ADD3: variants seen among roughly 807,000 people sequenced by gnomAD.
The protein encoded by ADD3 is gamma-adducin.
ADD3 carries 25 observed loss-of-function variants against 80.2 expected under a neutral mutation model. That is an observed-to-expected ratio of 0.31 (90% CI 0.23 to 0.44). ADD3 has a LOEUF of 0.44. Among genes scored for constraint, ADD3 ranks in the 20% least tolerant of loss-of-function variants. The pLI is 1.00. For synonymous variants in ADD3, 284 were observed against 289.6 expected, an observed-to-expected ratio of 0.98 and a Z score of 0.20; for missense variants, 829 against 847.5, an observed-to-expected ratio of 0.98 and a Z score of 0.27.
intron 1 of ADD3, among the ~76,000 whole-genome samples, chr10:110,036,240 G>A (rs964305826): frequency 6.6e-6 from 1 of 152,074 alleles, no homozygotes; most frequent in Non-Finnish European, 1.5e-5. Context: ...TTCATCTATA[G>A]TGAGGCAGCA....
At chr10:110,026,034 A>T (rs1234445218) in intron 1 of ADD3, among the ~76,000 whole-genome samples, 3 of 152,194 alleles carry the variant, frequency 2.0e-5, no homozygotes, top group Non-Finnish European at 4.4e-5. Context: ...CACTGATATT[A>T]TGTATATTGT....
chr10:110,092,281 GCA>G (rs1847621881), intron 1 of ADD3, among the ~76,000 whole-genome samples: 1 of 152,138 alleles, frequency 6.6e-6, no homozygotes, highest in Non-Finnish European at 1.5e-5. Context: ...GTTCATTGCA[GCA>G]CTATCCACAA....
intron 14 of ADD3, 57 bp downstream of exon 14, chr10:110,132,457 CTG>C: frequency 8.1e-7 from 1 of 1,234,342 alleles, no homozygotes. Context: ...GTCTGTCCCT[CTG>C]TGTTTTGTTT....
intron 1 of ADD3, among the ~76,000 whole-genome samples, chr10:110,028,212 C>T (rs1327485744): frequency 6.6e-6 from 1 of 152,140 alleles, no homozygotes; most frequent in East Asian, 1.9e-4. Flanking sequence ...ACATCCCTGA[C>T]CCCCATCTCC....
intron 1 of ADD3, among the ~76,000 whole-genome samples, chr10:110,017,932 A>G (rs1330410024): frequency 6.6e-6 from 1 of 152,218 alleles, no homozygotes; most frequent in Non-Finnish European, 1.5e-5. Context: ...GGTATAACCA[A>G]AAGCTTCTAA....
intron 1 of ADD3, among the ~76,000 whole-genome samples, chr10:110,029,971 C>A (rs1193091666): frequency 1.3e-5 from 2 of 151,944 alleles, no homozygotes; most frequent in African/African-American, 2.4e-5. Context: ...ATTAAAAGTT[C>A]TTTCAGGTTT....
intron 1 of ADD3, among the ~76,000 whole-genome samples, chr10:110,000,534 T>A (rs1851465321): frequency 6.6e-6 from 1 of 152,228 alleles, no homozygotes; most frequent in African/African-American, 2.4e-5. Flanking sequence ...GGTAAAGACT[T>A]CTAAAATAGG....
chr10:110,070,257 C>T (rs1326803113), intron 1 of ADD3, among the ~76,000 whole-genome samples: 1 of 152,078 alleles, frequency 6.6e-6, no homozygotes, highest in Admixed American at 6.5e-5. Context: ...CTGCCCCAAC[C>T]CACTAAATTG....
At chr10:110,074,284 A>G (rs1254839961) in intron 1 of ADD3, among the ~76,000 whole-genome samples, 1 of 152,218 alleles carries the variant, frequency 6.6e-6, no homozygotes, top group Non-Finnish European at 1.5e-5. Context: ...AGTTGGAGAC[A>G]GTTTCTCATT....
intron 1 of ADD3, among the ~76,000 whole-genome samples, chr10:110,055,973 A>G (rs186777180): frequency 1.6e-4 from 24 of 152,344 alleles, no homozygotes; most frequent in Admixed American, 2.6e-4. Context: ...GCTAACGACT[A>G]TGAAATCTTT....
chr10:110,109,537 A>G (rs956819005), intron 2 of ADD3, among the ~76,000 whole-genome samples: 1 of 152,220 alleles, frequency 6.6e-6, no homozygotes, highest in Non-Finnish European at 1.5e-5. Flanking sequence ...CTACTTCTCC[A>G]AGTTATTGTA....
At chr10:110,017,640 T>G (rs1853157127) in intron 1 of ADD3, among the ~76,000 whole-genome samples, 1 of 152,178 alleles carries the variant, frequency 6.6e-6, no homozygotes, top group Non-Finnish European at 1.5e-5. Context: ...GTGGTAGTAC[T>G]TTTCAATATG....
chr10:110,066,683 A>G (rs1317055420), intron 1 of ADD3, among the ~76,000 whole-genome samples: 1 of 152,072 alleles, frequency 6.6e-6, no homozygotes, highest in Admixed American at 6.5e-5. Context: ...AGTCTGTTAC[A>G]GGCTTCGATA....
At chr10:109,996,918 G>C (rs998067131) in intron 1 of ADD3, among the ~76,000 whole-genome samples, 2 of 152,222 alleles carry the variant, frequency 1.3e-5, no homozygotes, top group African/African-American at 4.8e-5. Context: ...ACTTTAGTGA[G>C]AATTTAGGTT....
chr10:110,002,495 C>T (rs191023935), upstream of ADD3, among the ~76,000 whole-genome samples: 26 of 152,082 alleles, frequency 1.7e-4, 1 homozygote, highest in East Asian at 4.1e-3. Context: ...AGGATGGTCT[C>T]GATCTCCTGA....
chr10:110,056,371 A>G (rs2133449568), intron 1 of ADD3, among the ~76,000 whole-genome samples: 1 of 152,320 alleles, frequency 6.6e-6, no homozygotes, highest in South Asian at 2.1e-4. Flanking sequence ...TTAGGCTTAA[A>G]CATAATATTT....
In ADD3 at chr10:110,119,291, A is replaced by C; in HGVS notation, c.798A>C (p.Gln266His). Reference protein sequence around the residue: ...LLGDVAYYDYQGSLEEQEERI... With the variant: ...LLGDVAYYDYHGSLEEQEERI... The stretch of plus-strand genomic sequence containing the variant: ...GAGATGTTGCCTATTATGACTACCA[A>C]GGGTCACTTGAAGAACAGGAGGAGA... Residue 266 changes from glutamine to histidine, a missense_variant, in exon 7 of 15, where the codon CAA (glutamine) becomes CAC (histidine). Gln to His is a conservative substitution (Grantham distance 24). Transcript: ENST00000356080. The C allele has an allele frequency of 6.2e-7, 1 of 1,614,132 alleles. No individual in the cohort carries two copies. Among genetic ancestry groups the C allele is most frequent in the Non-Finnish European group, 8.5e-7 (1 of 1,179,992 alleles).
chr10:110,111,140 C>T lies in ADD3; in HGVS notation c.196-1637C>T, dbSNP rs192978590. On this transcript the variant is annotated intron_variant, in intron 2 of 14. Transcript: ENST00000356080. ...TTCACCCTTCTAAAGGAAGTTTTCT[C>T]CATTATCTCCCAGGTATTCATACCT... is the stretch of plus-strand genomic sequence containing the variant. Among the ~76,000 whole-genome samples, 422 of 152,304 alleles carry T rather than the reference C, an allele frequency of 2.8e-3. 3 individuals are homozygous for T. The highest frequency in any genetic ancestry group is 9.6e-3 in the African/African-American group (400 of 41,562).
intron 12 of ADD3, among the ~76,000 whole-genome samples, chr10:110,127,174 C>T (rs1022887217): frequency 2.0e-5 from 3 of 151,962 alleles, no homozygotes; most frequent in Non-Finnish European, 2.9e-5. Flanking sequence ...GATCAGCTTT[C>T]GTTATTTATA....
Sources: allele counts gnomAD v4.1 joint callset (sites outside exome capture counted in the v4.1 genomes callset), GRCh38; gene constraint gnomAD v4.1.1; transcripts MANE v1.5; gene names NCBI Gene and HGNC (gene_info 2026-07-23, HGNC 2026-07-21).